WDR20: variants seen among roughly 807,000 people sequenced by gnomAD.
The protein encoded by WDR20 is WD repeat-containing protein 20.
In WDR20, 3 loss-of-function variants were observed where a neutral mutation model predicts 38.7. The ratio of observed to expected loss-of-function variants is 0.08; its 90% confidence interval spans 0.04 to 0.20. The LOEUF is 0.20. WDR20 is among the 10% of genes least tolerant of loss of function. The probability of loss-of-function intolerance (pLI) is 1.00; values close to 1 mark genes in which losing one functional copy is unlikely to be tolerated. For missense variants in WDR20, 559 were observed against 727.7 expected (o/e 0.77, Z 2.67); for synonymous variants, 298 against 285.6 (o/e 1.04, Z -0.44).
chr14:102,213,842 GT>G, downstream of WDR20: 1 of 985,484 alleles, frequency 1.0e-6, no homozygotes, highest in Non-Finnish European at 1.2e-6. Context: ...AAACCTAGGG[GT>G]TGGGGGCGGC....
chr14:102,204,244 C>G (rs998479023), intron 2 of WDR20, among the ~76,000 whole-genome samples: 1 of 152,184 alleles, frequency 6.6e-6, no homozygotes, highest in African/African-American at 2.4e-5. Context: ...AAGTTGTTCT[C>G]TGTGGGGGTA....
intron 1 of WDR20, among the ~76,000 whole-genome samples, chr14:102,158,358 C>T (rs1424283838): frequency 2.0e-5 from 3 of 151,976 alleles, no homozygotes; most frequent in South Asian, 4.1e-4. Context: ...AGTGCAATGG[C>T]GTGATCTTGG....
At chr14:102,190,397 T>C (rs541437048) in intron 1 of WDR20, among the ~76,000 whole-genome samples, 2 of 151,490 alleles carry the variant, frequency 1.3e-5, no homozygotes, top group African/African-American at 4.9e-5. Flanking sequence ...CTGTCTCTAC[T>C]AAAAATACCA....
At chr14:102,158,643 T>C (rs2057984224) in intron 1 of WDR20, among the ~76,000 whole-genome samples, 1 of 151,930 alleles carries the variant, frequency 6.6e-6, no homozygotes, top group Non-Finnish European at 1.5e-5. Flanking sequence ...ATAACCTACT[T>C]CCCTATCCTT....
In WDR20 at chr14:102,207,993, G is replaced by C. The variant is rs2061868485; in HGVS notation, c.433-610G>C. ...GGAGATGCACGTGGGGCGGTGCATG[G>C]GAGTGAGGCGGCCTCAGTGGGCCCA... On this transcript the variant is annotated intron_variant, in intron 2 of 2. Coordinates refer to ENST00000342702, the MANE Select transcript of WDR20 (RefSeq NM_144574.4). The surrounding 1 kb of genome is among the most constrained non-coding windows in gnomAD (Gnocchi z 5.0). Among the ~76,000 whole-genome samples the C allele has an allele frequency of 6.6e-6, 1 of 152,178 alleles. No individual in the cohort carries two copies. The highest frequency in any genetic ancestry group is 1.5e-5 in the Non-Finnish European group (1 of 68,034).
At chr14:102,201,087 T>C (rs1457517533) in intron 2 of WDR20, among the ~76,000 whole-genome samples, 1 of 152,222 alleles carries the variant, frequency 6.6e-6, no homozygotes, top group African/African-American at 2.4e-5. Flanking sequence ...AATGATCTAC[T>C]CCTTAAAGCT....
chr14:102,145,361 C>T lies in WDR20; in HGVS notation c.249+5189C>T, dbSNP rs146439483. Among the ~76,000 whole-genome samples, 66 of 152,184 alleles carry T rather than the reference C, an allele frequency of 4.3e-4. No homozygotes were observed. In the East Asian group the frequency reaches 0.011, roughly 25 times the overall value. The stretch of plus-strand genomic sequence containing the variant: ...TTTAACCTTCTTAAAATAGGGAAAT[C>T]GTGTAAGAGACAATGAAGTAATAGT... On this transcript the variant is annotated intron_variant, in intron 1 of 2. Transcript: ENST00000342702.
At position 102,147,838 on chromosome 14, in the gene WDR20, C is replaced by T. The variant is rs190196776; in HGVS notation, c.249+7666C>T. On this transcript the variant is annotated intron_variant, in intron 1 of 2. Transcript: ENST00000342702. ...CTCTGCCTCCCGGGTTCAAGCCATT[C>T]GCAGGCCTCAGCCTCCCGAGTAACT... is the stretch of plus-strand genomic sequence containing the variant. Among the ~76,000 whole-genome samples, 57 of 152,330 alleles carry T rather than the reference C, an allele frequency of 3.7e-4. 1 individual carries two copies. Among genetic ancestry groups the T allele is most frequent in the African/African-American group, 1.1e-3 (47 of 41,582 alleles).
chr14:102,209,565 A>G lies in WDR20; in HGVS notation c.1395A>G (p.Ser465=). Residue 465 remains serine, a synonymous_variant, in exon 3 of 3, where the codon TCA becomes TCG. Coordinates refer to ENST00000342702, the MANE Select transcript of WDR20 (RefSeq NM_144574.4). The surrounding 1 kb of genome is among the most constrained non-coding windows in gnomAD (Gnocchi z 6.0). The part of the protein sequence containing the change: ...ASGVSKFATL[S]LHDRKERHHE... ...GGGTCAGCAAATTTGCAACACTTTCACTACATGACCGGAAGGAGAGGCACC... is the reference window on the plus strand; with the variant it reads ...GGGTCAGCAAATTTGCAACACTTTCGCTACATGACCGGAAGGAGAGGCACC... 3.1e-6 allele frequency: 5 copies of G among 1,614,182 alleles called. No individual in the cohort carries two copies. Among genetic ancestry groups the G allele is most frequent in the Non-Finnish European group, 4.2e-6 (5 of 1,180,042 alleles).
intron 2 of WDR20, among the ~76,000 whole-genome samples, chr14:102,200,438 C>T (rs544381404): frequency 2.1e-5 from 3 of 143,504 alleles, no homozygotes; most frequent in South Asian, 2.3e-4. Context: ...CCCACAGGGG[C>T]GAGGAGTTTA....
In WDR20 at chr14:102,220,809, A is replaced by G. The variant is rs754451163; in HGVS notation, c.1693-2021A>G. ...ATTTTTTGAGACAGGGTCTTGCTCT[A>G]TCCCCCAGGCTGGAGTGCAGTGGAT... On this transcript the variant is annotated intron_variant, in intron 3 of 3. Transcript: ENST00000335263. This position sits in a 1 kb window ranked among gnomAD's most constrained non-coding sequence, Gnocchi z 4.2. 5.9e-5 allele frequency among the ~76,000 whole-genome samples: 9 copies of G among 151,760 alleles called. No individual in the cohort carries two copies. Among genetic ancestry groups the G allele is most frequent in the Admixed American group, 2.6e-4 (4 of 15,232 alleles).
intron 1 of WDR20, among the ~76,000 whole-genome samples, chr14:102,141,915 T>A (rs1190585): frequency 0.66 from 99,441 of 151,742 alleles, 36,121 homozygotes; most frequent in East Asian, 0.93. Flanking sequence ...TACTTAAAAA[T>A]TTTTTTTTCT....
At chr14:102,165,689 T>A (rs1596127559) in intron 1 of WDR20, among the ~76,000 whole-genome samples, 1 of 149,758 alleles carries the variant, frequency 6.7e-6, no homozygotes, top group African/African-American at 2.5e-5. Context: ...CAGGCTGGAG[T>A]GCAGTGGTTC....
At chr14:102,166,329 G>A (rs533833675) in intron 1 of WDR20, among the ~76,000 whole-genome samples, 1 of 152,258 alleles carries the variant, frequency 6.6e-6, no homozygotes, top group South Asian at 2.1e-4. Flanking sequence ...ATGTTTTTAT[G>A]ATATTGGTTG....
chr14:102,193,691 G>T (rs544439623), intron 1 of WDR20, among the ~76,000 whole-genome samples: 44 of 152,294 alleles, frequency 2.9e-4, no homozygotes, highest in African/African-American at 1.1e-3. Flanking sequence ...TTTGTTATTG[G>T]AAAGTCCAAC....
At chr14:102,191,973 A>T (rs1044605792) in intron 1 of WDR20, among the ~76,000 whole-genome samples, 3 of 152,234 alleles carry the variant, frequency 2.0e-5, no homozygotes, top group Non-Finnish European at 4.4e-5. Flanking sequence ...CTAACTTTTT[A>T]TCATTACATT....
At chr14:102,198,260 CT>C in intron 2 of WDR20, 1 of 322,898 alleles carries the variant, frequency 3.1e-6, no homozygotes. Flanking sequence ...ACCCAAGTAC[CT>C]GGGATTATAG....
At position 102,139,977 on chromosome 14, in the gene WDR20, C is replaced by G; in HGVS notation, c.54C>G (p.Thr18=). 6.2e-7 allele frequency: 1 copy of G among 1,614,232 alleles called. No individual in the cohort carries two copies. The highest frequency in any genetic ancestry group is 8.5e-7 in the Non-Finnish European group (1 of 1,180,030). The change falls in exon 1 of 3, where the codon ACC becomes ACG. Residue 18 remains threonine (T), a synonymous_variant. Coordinates refer to ENST00000342702, the MANE Select transcript of WDR20 (RefSeq NM_144574.4). ...KEMNEIKTQF[T]TREGLYKLLP... ...TGAACGAGATTAAGACCCAATTCACCACCCGGGAAGGTCTGTACAAGCTGC... is the reference window on the plus strand; with the variant it reads ...TGAACGAGATTAAGACCCAATTCACGACCCGGGAAGGTCTGTACAAGCTGC...
chr14:102,212,546 G>A, downstream of WDR20: 2 of 1,535,978 alleles, frequency 1.3e-6, no homozygotes, highest in Non-Finnish European at 1.7e-6. Flanking sequence ...GCAGGCAGGA[G>A]GACAGGATGC....
Sources: gnomAD v4.1 joint callset for allele counts (sites outside exome capture counted in the v4.1 genomes callset) on GRCh38, gnomAD v4.1.1 for gene constraint, Gnocchi (gnomAD v3.1) non-coding constraint, MANE v1.5 for transcripts, NCBI Gene and HGNC (gene_info 2026-07-23, HGNC 2026-07-21) for gene names.